The following UBAP1 variants were observed in gnomAD, a reference collection of about 807,000 sequenced individuals.
UBAP1 encodes ubiquitin associated protein 1.
A neutral mutation model predicts 39.0 loss-of-function variants in UBAP1; 5 were observed. That is an observed-to-expected ratio of 0.13 (90% CI 0.07 to 0.27). The LOEUF (loss-of-function observed/expected upper bound fraction) is 0.27. Ranked by LOEUF, UBAP1 falls within the 10% of genes least tolerant of loss-of-function variation. UBAP1 has a pLI of 1.00. For missense variants in UBAP1, 490 were observed against 608.1 expected, an observed-to-expected ratio of 0.81 and a Z score of 2.04; for synonymous variants, 211 against 225.1, an observed-to-expected ratio of 0.94 and a Z score of 0.56.
At chr9:34,228,493 G>T (rs1467361967) in intron 2 of UBAP1, among the ~76,000 whole-genome samples, 1 of 149,804 alleles carries the variant, frequency 6.7e-6, no homozygotes, top group African/African-American at 2.5e-5. Context: ...CATATATTTT[G>T]TAATTCTCAC....
At chr9:34,231,127 A>ATATGTGTG (rs1554651700) in intron 2 of UBAP1, among the ~76,000 whole-genome samples, 1 of 137,026 alleles carries the variant, frequency 7.3e-6, no homozygotes, top group African/African-American at 2.8e-5. Context: ...TAAAAAAATT[A>ATATGTGTG]TGTGTGTGTG....
At chr9:34,235,767 T>A (rs921819883) in intron 3 of UBAP1, among the ~76,000 whole-genome samples, 1 of 152,156 alleles carries the variant, frequency 6.6e-6, no homozygotes, top group Non-Finnish European at 1.5e-5. Context: ...CCAGAGCAAC[T>A]TCCAGTCCTA....
chr9:34,210,871 A>G (rs1037773919), intron 1 of UBAP1, among the ~76,000 whole-genome samples: 2 of 151,880 alleles, frequency 1.3e-5, no homozygotes, highest in Non-Finnish European at 2.9e-5. Flanking sequence ...GGTTTGAATA[A>G]TTTGTCAACC....
intron 4 of UBAP1, 115 bp downstream of exon 4, chr9:34,242,223 C>G (rs527767258): frequency 3.3e-5 from 38 of 1,143,110 alleles, no homozygotes; most frequent in Non-Finnish European, 4.6e-5. Context: ...GTTGCCCAGG[C>G]TGGAATGCAG....
intron 1 of UBAP1, among the ~76,000 whole-genome samples, chr9:34,218,561 A>T (rs772822842): frequency 2.0e-5 from 3 of 152,092 alleles, no homozygotes; most frequent in Non-Finnish European, 4.4e-5. Context: ...TACTTTCCCA[A>T]TTTAGGAAAA....
chr9:34,189,267 C>G (rs1295756337), intron 1 of UBAP1, among the ~76,000 whole-genome samples: 1 of 151,320 alleles, frequency 6.6e-6, no homozygotes, highest in Non-Finnish European at 1.5e-5. Context: ...TGACTCATTG[C>G]AACCTCCTCC....
At chr9:34,202,255 C>G (rs1167926687) in intron 1 of UBAP1, among the ~76,000 whole-genome samples, 3 of 152,074 alleles carry the variant, frequency 2.0e-5, no homozygotes, top group Non-Finnish European at 4.4e-5. Context: ...ACCTCCACCT[C>G]CGAGTAGCTG....
intron 1 of UBAP1, among the ~76,000 whole-genome samples, chr9:34,196,444 T>G (rs1421036716): frequency 6.6e-6 from 1 of 151,512 alleles, no homozygotes; most frequent in African/African-American, 2.4e-5. Flanking sequence ...GCCTCCCGAG[T>G]AGCTGGGATT....
At chr9:34,235,349 A>C (rs997894303) in intron 3 of UBAP1, among the ~76,000 whole-genome samples, 37 of 150,592 alleles carry the variant, frequency 2.5e-4, no homozygotes, top group Admixed American at 2.5e-3. Flanking sequence ...ATATGTATGT[A>C]TTTTTTTGAG....
At chr9:34,242,372 TC>T (rs1323042391) in intron 4 of UBAP1, among the ~76,000 whole-genome samples, 1 of 152,198 alleles carries the variant, frequency 6.6e-6, no homozygotes, top group African/African-American at 2.4e-5. Context: ...GGTCTCAAAC[TC>T]CTGACTTCAA....
Position 34,251,395 on chromosome 9 carries a change from A to T in UBAP1, c.1372A>T (p.Met458Leu), listed in dbSNP as rs143936535. ...EMHQCSEEKM[M>L]EFLQLMSKFK... ...TGTGTTCTCTTCTCTCCCTTAGATGATGGAGTTTCTTCAGTTAATGAGCAA... is the reference window on the plus strand; with the variant it reads ...TGTGTTCTCTTCTCTCCCTTAGATGTTGGAGTTTCTTCAGTTAATGAGCAA... Residue 458 changes from methionine to leucine, a missense_variant, in exon 7 of 7, where the codon ATG (methionine) becomes TTG (leucine). Physicochemically the swap from Met to Leu is conservative, Grantham distance 15. Transcript: ENST00000297661. 9.9e-6 allele frequency: 16 copies of T among 1,614,118 alleles called. No homozygotes were observed. In the African/African-American group the frequency reaches 1.9e-4, roughly 19 times the overall value.
At chr9:34,222,670 G>T (rs1262877971) in intron 2 of UBAP1, among the ~76,000 whole-genome samples, 1 of 151,974 alleles carries the variant, frequency 6.6e-6, no homozygotes. Flanking sequence ...GCTGGTATGT[G>T]CCTGTAGTCT....
At chr9:34,195,507 C>T (rs572068418) in intron 1 of UBAP1, among the ~76,000 whole-genome samples, 53 of 152,022 alleles carry the variant, frequency 3.5e-4, no homozygotes, top group African/African-American at 1.2e-3. Context: ...CAGTATCACA[C>T]TATCTTGATA....
intron 1 of UBAP1, among the ~76,000 whole-genome samples, chr9:34,207,165 C>T (rs1831753593): frequency 6.8e-6 from 1 of 147,716 alleles, no homozygotes. Flanking sequence ...GATTCTCCTG[C>T]CTCAGCCTCT....
chr9:34,189,042 G>T (rs1830570451), intron 1 of UBAP1, among the ~76,000 whole-genome samples: 1 of 152,144 alleles, frequency 6.6e-6, no homozygotes, highest in Non-Finnish European at 1.5e-5. Flanking sequence ...CCCAGGTGGG[G>T]TTTGCATCCT....
chr9:34,216,307 C>T (rs1832313470), intron 1 of UBAP1, among the ~76,000 whole-genome samples: 1 of 151,892 alleles, frequency 6.6e-6, no homozygotes, highest in Admixed American at 6.6e-5. Context: ...GTTGTGTAAT[C>T]ACCATATCTG....
chr9:34,224,085 T>G (rs1832909503), intron 2 of UBAP1: 2 of 685,560 alleles, frequency 2.9e-6, no homozygotes, highest in South Asian at 4.8e-5. Flanking sequence ...GGCCTTGAAG[T>G]GATGCACGCA....
intron 1 of UBAP1, among the ~76,000 whole-genome samples, chr9:34,210,279 T>C (rs1419760718): frequency 1.3e-5 from 2 of 152,302 alleles, no homozygotes; most frequent in African/African-American, 4.8e-5. Flanking sequence ...TTGTGGACAG[T>C]GATAGATCCT....
At chr9:34,216,621 A>C (rs922773426) in intron 1 of UBAP1, among the ~76,000 whole-genome samples, 22 of 146,340 alleles carry the variant, frequency 1.5e-4, no homozygotes, top group African/African-American at 5.3e-4. Context: ...GACTACAGGC[A>C]TGCACCACCA....
Sources: gnomAD v4.1 joint callset for allele counts (sites outside exome capture counted in the v4.1 genomes callset) on GRCh38, gnomAD v4.1.1 for gene constraint, MANE v1.5 for transcripts, NCBI Gene and HGNC (gene_info 2026-07-23, HGNC 2026-07-21) for gene names.